PAX1: variants seen among roughly 807,000 people sequenced by gnomAD.
The protein encoded by PAX1 is paired box protein Pax-1.
In PAX1, 18 loss-of-function variants were observed where a neutral mutation model predicts 35.6. The observed-to-expected ratio is 0.50, with a 90% CI of 0.35 to 0.75. The LOEUF is 0.75. PAX1 is among the 30% of genes least tolerant of loss of function. PAX1 has a pLI of 0.01. For missense variants in PAX1, 760 were observed against 661.5 expected, an observed-to-expected ratio of 1.15 and a Z score of -1.63; for synonymous variants, 397 against 305.2, an observed-to-expected ratio of 1.30 and a Z score of -3.14.
rs1365164259 is a variant in PAX1 at position 21,714,879 on chromosome 20, C to T, written c.*317C>T. ...TGCCAGCTTCAAATTTCTTTTTTGT[C>T]ACTCCCTTGTCCGTCTCCGTCTCGC... is the stretch of plus-strand genomic sequence containing the variant. On this transcript the variant is annotated 3_prime_UTR_variant, in exon 5 of 5. Transcript: ENST00000613128. 32 of 1,204,306 alleles carry T rather than the reference C, an allele frequency of 2.7e-5. No individual in the cohort carries two copies. The highest frequency in any genetic ancestry group is 3.3e-5 in the Non-Finnish European group (27 of 829,014). The allele number at this position is 1,204,306 out of a possible 1,614,324, so 74.6% of individuals were successfully genotyped here.
rs760191727 is a variant in PAX1, at chr20:21,714,445, C to T, written c.1283-26C>T. 4.6e-6 allele frequency: 7 copies of T among 1,527,704 alleles called. No homozygotes were observed. The South Asian group carries it at 6.0e-5, about 13-fold the overall frequency. The allele number at this position is 1,527,704 out of a possible 1,614,324, so 94.6% of individuals were successfully genotyped here. A position where few individuals can be genotyped will look rare whatever the true frequency, so the allele number is the denominator to read the frequency against. Reference sequence around the variant, plus strand: ...CACTGCGCGGCGCTAGGTAGTGATCCGACGCCTCTGTGCTTCCTCCCGCAG... The same window carrying T: ...CACTGCGCGGCGCTAGGTAGTGATCTGACGCCTCTGTGCTTCCTCCCGCAG... On this transcript the variant is annotated intron_variant, in intron 4 of 4. Transcript: ENST00000613128.
chr20:21,707,184 G>C, intron 2 of PAX1, 117 bp downstream of exon 2: 1 of 1,299,920 alleles, frequency 7.7e-7, no homozygotes, highest in Non-Finnish European at 1.1e-6. Context: ...CTCAGGGGAG[G>C]GCTCCACACT....
intron 2 of PAX1, 70 bp downstream of exon 2, chr20:21,707,137 G>A: frequency 6.3e-7 from 1 of 1,582,320 alleles, no homozygotes; most frequent in Non-Finnish European, 8.7e-7. Flanking sequence ...TTGCAGGAGA[G>A]GACTCACACT....
chr20:21,718,005 G>A lies in PAX1; in HGVS notation c.*3443G>A, dbSNP rs1985429217. On this transcript the variant is annotated 3_prime_UTR_variant, in exon 5 of 5. Coordinates refer to ENST00000613128, the MANE Select transcript of PAX1 (RefSeq NM_001257096.2). Reference sequence around the variant, plus strand: ...TTGTGCTGTGCACACACAGACATGAGCTGAAGATCTGCTCTTTGCGTACCA... The same window carrying A: ...TTGTGCTGTGCACACACAGACATGAACTGAAGATCTGCTCTTTGCGTACCA... 1 of 152,182 alleles carries A rather than the reference G, an allele frequency of 6.6e-6. No homozygotes were observed. Among genetic ancestry groups the A allele is most frequent in the Admixed American group, 6.5e-5 (1 of 15,276 alleles). 9.4% of individuals were successfully genotyped at this position (152,182 alleles called of 1,614,324 possible). A position where few individuals can be genotyped will look rare whatever the true frequency, so the allele number is the denominator to read the frequency against.
chr20:21,709,193 C>T, intron 3 of PAX1, 29 bp from the exon 4 acceptor site: 1 of 1,546,126 alleles, frequency 6.5e-7, no homozygotes, highest in South Asian at 1.1e-5. Context: ...GGATTTTCTG[C>T]TGCTGACGGT....
intron 4 of PAX1, among the ~76,000 whole-genome samples, chr20:21,710,429 G>A (rs1264464206): frequency 6.6e-6 from 1 of 152,226 alleles, no homozygotes; most frequent in Non-Finnish European, 1.5e-5. Context: ...GGAAAGGAAA[G>A]GGTCACCCCA....
In PAX1 at chr20:21,714,986, AC is replaced by A; in HGVS notation, c.*428del. ...CTCTTTCCCTTCCTCCCTACCTTCC[AC>A]CCCGGCTTTCCCCGACCTTCCAGGG... On this transcript the variant is annotated 3_prime_UTR_variant, in exon 5 of 5. Coordinates refer to ENST00000613128, the MANE Select transcript of PAX1 (RefSeq NM_001257096.2). 3 of 639,104 alleles carry A rather than the reference AC, an allele frequency of 4.7e-6. No homozygotes were observed. The East Asian group carries it at 8.4e-5, about 18-fold the overall frequency. The allele number at this position is 639,104 out of a possible 1,614,324, so 39.6% of individuals were successfully genotyped here.
rs1470548747 is a variant in PAX1 at position 21,718,411 on chromosome 20, A to C, written c.*3849A>C. 1 of 152,226 alleles carries C rather than the reference A, an allele frequency of 6.6e-6. No individual in the cohort carries two copies. 9.4% of individuals were successfully genotyped at this position (152,226 alleles called of 1,614,324 possible). Reference sequence around the variant, plus strand: ...AGTCTCTCTGGGCCAGGAAAGAGACATGGAGGCAGAGGGGTGCGGGAAAAC... The same window carrying C: ...AGTCTCTCTGGGCCAGGAAAGAGACCTGGAGGCAGAGGGGTGCGGGAAAAC... On this transcript the variant is annotated 3_prime_UTR_variant, in exon 5 of 5. Coordinates refer to ENST00000613128, the MANE Select transcript of PAX1 (RefSeq NM_001257096.2).
In PAX1 at chr20:21,708,673, C is replaced by G. The variant is rs2122138118; in HGVS notation, c.1032C>G (p.Ala344=). 5 of 1,613,626 alleles carry G rather than the reference C, an allele frequency of 3.1e-6. No homozygotes were observed. Among genetic ancestry groups the G allele is most frequent in the Middle Eastern group, 1.7e-4 (1 of 6,058 alleles). The part of the protein sequence containing the change: ...TPAVNGLEKP[A]LEADIKYTQS... Reference sequence around the variant, plus strand: ...CAGTGAATGGGCTAGAGAAACCTGCCTTAGAGGCAGACATTAAATACACTC... The same window carrying G: ...CAGTGAATGGGCTAGAGAAACCTGCGTTAGAGGCAGACATTAAATACACTC... Residue 344 remains alanine (A), a synonymous_variant, in exon 3 of 5, where the codon GCC becomes GCG. Coordinates refer to ENST00000613128, the MANE Select transcript of PAX1 (RefSeq NM_001257096.2).
At position 21,716,501 on chromosome 20, in the gene PAX1, CTT is replaced by C. The variant is rs1985376012; in HGVS notation, c.*1940_*1941del. 1.5e-5 allele frequency: 2 copies of C among 137,894 alleles called. No individual in the cohort carries two copies. The highest frequency in any genetic ancestry group is 3.1e-5 in the Non-Finnish European group (2 of 65,230). 8.5% of individuals were successfully genotyped at this position (137,894 alleles called of 1,614,324 possible). Reference sequence around the variant, plus strand: ...ACTCTTCTTCTCAGATTCAAAGTCTCTTGTCTTTTTTTTTTTTTTTTTTTAAA... The same window carrying C: ...ACTCTTCTTCTCAGATTCAAAGTCTCGTCTTTTTTTTTTTTTTTTTTTAAA... On this transcript the variant is annotated 3_prime_UTR_variant, in exon 5 of 5. Coordinates refer to ENST00000613128, the MANE Select transcript of PAX1 (RefSeq NM_001257096.2).
chr20:21,705,908 G>A lies in PAX1; in HGVS notation c.196G>A (p.Gly66Ser). The A allele has an allele frequency of 4.3e-5, 60 of 1,400,602 alleles. No individual in the cohort carries two copies. Among genetic ancestry groups the A allele is most frequent in the Middle Eastern group, 2.6e-4 (1 of 3,834 alleles). The allele number at this position is 1,400,602 out of a possible 1,614,324, so 86.8% of individuals were successfully genotyped here. ...TCTATGCCTCTCACGCGGCGGCGGCGGCGCCCAAGCTCTCCCGGACTGCGC... is the reference window on the plus strand; with the variant it reads ...TCTATGCCTCTCACGCGGCGGCGGCAGCGCCCAAGCTCTCCCGGACTGCGC... ...LPLCLSRGGG[G>S]AQALPDCAGP... The change falls in exon 1 of 5, where the codon GGC becomes AGC. Residue 66 changes from glycine (G) to serine (S), a missense_variant. By Grantham distance (56) the Gly-to-Ser change is moderately conservative (BLOSUM62 0). This residue lies in a region of PAX1 where 222 missense variants were observed against 153.0 expected (regional missense o/e 1.45). Transcript: ENST00000613128.
At chr20:21,708,892 G>C (rs1817776542) in intron 3 of PAX1, among the ~76,000 whole-genome samples, 192 bp downstream of exon 3, 1 of 152,144 alleles carries the variant, frequency 6.6e-6, no homozygotes, top group Admixed American at 6.5e-5. Flanking sequence ...ACTTTAGAGG[G>C]GTTGACTTGC....
Position 21,706,549 on chromosome 20 carries a change from C to T in PAX1, c.398C>T (p.Pro133Leu), listed in dbSNP as rs1176020453. Residue 133 changes from proline (P) to leucine (L), a missense_variant, in exon 2 of 5, where the codon CCC (proline) becomes CTC (leucine). By Grantham distance (98) the Pro-to-Leu change is moderately conservative (BLOSUM62 -3). This residue lies in a region of PAX1 where 48 missense variants were observed against 80.0 expected (regional missense o/e 0.60). Transcript: ENST00000613128. The surrounding 1 kb of genome is among the most constrained non-coding windows in gnomAD (Gnocchi z 5.3). ...IVELAQLGIR[P>L]CDISRQLRVS... Reference sequence around the variant, plus strand: ...GAGCTGGCGCAGCTGGGCATCCGACCCTGTGACATCAGTCGGCAGCTCCGC... The same window carrying T: ...GAGCTGGCGCAGCTGGGCATCCGACTCTGTGACATCAGTCGGCAGCTCCGC... 5.0e-6 allele frequency: 8 copies of T among 1,612,390 alleles called. No homozygotes were observed. Among genetic ancestry groups the T allele is most frequent in the Non-Finnish European group, 6.8e-6 (8 of 1,180,004 alleles).
chr20:21,707,203 A>G (rs1246971148), intron 2 of PAX1, 136 bp downstream of exon 2: 2 of 1,040,908 alleles, frequency 1.9e-6, no homozygotes, highest in Admixed American at 4.3e-5. Flanking sequence ...CTGGCCAGGG[A>G]GGCTGGGGGT....
chr20:21,707,336 A>G (rs2122135424), intron 2 of PAX1, among the ~76,000 whole-genome samples: 1 of 152,294 alleles, frequency 6.6e-6, no homozygotes, highest in Non-Finnish European at 1.5e-5. Context: ...GTGCTTTTTC[A>G]TTCTTGCAAA....
rs1985428098 is a variant in PAX1 at position 21,717,965 on chromosome 20, G to C, written c.*3403G>C. 1 of 152,304 alleles carries C rather than the reference G, an allele frequency of 6.6e-6. No individual in the cohort carries two copies. Among genetic ancestry groups the C allele is most frequent in the South Asian group, 2.1e-4 (1 of 4,830 alleles). The allele number at this position is 152,304 out of a possible 1,614,324, so 9.4% of individuals were successfully genotyped here. A position where few individuals can be genotyped will look rare whatever the true frequency, so the allele number is the denominator to read the frequency against. The stretch of plus-strand genomic sequence containing the variant: ...GTTTCTGTCTATGTGTTATTTGAAA[G>C]TGCACACTAATGAGTTGTGCTGTGC... On this transcript the variant is annotated 3_prime_UTR_variant, in exon 5 of 5. Transcript: ENST00000613128.
rs1023334968 is a variant in PAX1, at chr20:21,715,626, A to G, written c.*1064A>G. On this transcript the variant is annotated 3_prime_UTR_variant, in exon 5 of 5. Transcript: ENST00000613128. ...CACCCCTCCACTCGCAACACTTGCT[A>G]GGGAATCCGACCAGTGGTAAACACA... The G allele has an allele frequency of 3.9e-5, 6 of 152,338 alleles. No individual in the cohort carries two copies. The highest frequency in any genetic ancestry group is 1.4e-4 in the African/African-American group (6 of 41,444). The allele number at this position is 152,338 out of a possible 1,614,324, so 9.4% of individuals were successfully genotyped here.
In PAX1 at chr20:21,717,074, C is replaced by G. The variant is rs1441054137; in HGVS notation, c.*2512C>G. 1 of 152,208 alleles carries G rather than the reference C, an allele frequency of 6.6e-6. No individual in the cohort carries two copies. The highest frequency in any genetic ancestry group is 2.4e-5 in the African/African-American group (1 of 41,442). The allele number at this position is 152,208 out of a possible 1,614,324, so 9.4% of individuals were successfully genotyped here. On this transcript the variant is annotated 3_prime_UTR_variant, in exon 5 of 5. Coordinates refer to ENST00000613128, the MANE Select transcript of PAX1 (RefSeq NM_001257096.2). ...GCGCCCCAGGGTGGATGCAAAGCAC[C>G]TGTGTTTTAAGTGCCACCTGCAAAG...
intron 4 of PAX1, among the ~76,000 whole-genome samples, chr20:21,713,932 G>A (rs1043998341): frequency 2.0e-5 from 3 of 152,340 alleles, no homozygotes; most frequent in Non-Finnish European, 2.9e-5. Context: ...CCGCTCCAGG[G>A]AAATCTCTGG....
Sources: allele counts gnomAD v4.1 joint callset (sites outside exome capture counted in the v4.1 genomes callset), GRCh38; gene constraint gnomAD v4.1.1; regional missense constraint gnomAD v4.1.1; non-coding constraint Gnocchi (gnomAD v3.1); transcripts MANE v1.5; gene names NCBI Gene and HGNC (gene_info 2026-07-23, HGNC 2026-07-21).